ARHGEF28: variants seen among roughly 807,000 people sequenced by gnomAD.
ARHGEF28 encodes 190 kDa guanine nucleotide exchange factor.
A neutral mutation model predicts 206.6 loss-of-function variants in ARHGEF28; 152 were observed. The ratio of observed to expected loss-of-function variants is 0.74; its 90% confidence interval spans 0.64 to 0.84. The LOEUF (loss-of-function observed/expected upper bound fraction) is 0.84, where lower values mean the gene tolerates loss of function less well. Ranked by LOEUF, ARHGEF28 falls within the 40% of genes least tolerant of loss-of-function variation. ARHGEF28 has a pLI of 0.00. For synonymous variants in ARHGEF28, 763 were observed against 776.4 expected, an observed-to-expected ratio of 0.98 and a Z score of 0.29; for missense variants, 2,028 against 2,073.2, an observed-to-expected ratio of 0.98 and a Z score of 0.42.
At chr5:73,727,755 T>C (rs749567300) in intron 2 of ARHGEF28, among the ~76,000 whole-genome samples, 53 of 152,344 alleles carry the variant, frequency 3.5e-4, no homozygotes, top group Middle Eastern at 3.4e-3. Flanking sequence ...AAAGCCTTTC[T>C]TCTCATAGTG....
At chr5:73,828,761 T>G (rs913734223) in intron 9 of ARHGEF28, among the ~76,000 whole-genome samples, 2 of 151,860 alleles carry the variant, frequency 1.3e-5, no homozygotes, top group Admixed American at 6.6e-5. Context: ...TTCCTCTCTT[T>G]CTGTCCTTCC....
At position 73,857,758 on chromosome 5, in the gene ARHGEF28, T is replaced by C; in HGVS notation, c.1893T>C (p.Thr631=). 1 of 1,613,014 alleles carries C rather than the reference T, an allele frequency of 6.2e-7. No homozygotes were observed. Among genetic ancestry groups the C allele is most frequent in the South Asian group, 1.1e-5 (1 of 90,902 alleles). The change falls in exon 15 of 36, where the codon ACT becomes ACC. Residue 631 remains threonine, a synonymous_variant. Coordinates refer to ENST00000513042, the MANE Select transcript of ARHGEF28 (RefSeq NM_001177693.2). ...RTFSFLMNRM[T]SPRNKSKTKS... is the part of the protein sequence containing the mutation. The stretch of plus-strand genomic sequence containing the variant: ...TCAGTTTCCTCATGAATAGGATGAC[T>C]AGCCCTCGGAATAAATCAAAGGTAA...
intron 1 of ARHGEF28, among the ~76,000 whole-genome samples, chr5:73,629,708 T>C (rs1031705793): frequency 6.6e-6 from 1 of 152,200 alleles, no homozygotes; most frequent in African/African-American, 2.4e-5. Flanking sequence ...AGATCTGACA[T>C]CATTTTTTAA....
At chr5:73,931,372 C>G (rs1764105645) in intron 35 of ARHGEF28, among the ~76,000 whole-genome samples, 1 of 152,074 alleles carries the variant, frequency 6.6e-6, no homozygotes, top group African/African-American at 2.4e-5. Flanking sequence ...GACTCTTTCA[C>G]TTTAGAGGTA....
Position 73,775,201 on chromosome 5 carries a change from C to A in ARHGEF28, c.659+1163C>A, listed in dbSNP as rs573912995. Among the ~76,000 whole-genome samples, 19 of 152,322 alleles carry A rather than the reference C, an allele frequency of 1.2e-4. No homozygotes were observed. In the South Asian group the frequency reaches 3.7e-3, roughly 30 times the overall value. ...GTTCTACTGAGGTCCTAGAGGCACA[C>A]TTCATCTGTTGGTAGCTTTGTATCT... On this transcript the variant is annotated intron_variant, in intron 5 of 35. Transcript: ENST00000513042.
chr5:73,778,813 A>G (rs1393259642), intron 6 of ARHGEF28, among the ~76,000 whole-genome samples: 5 of 152,240 alleles, frequency 3.3e-5, no homozygotes, highest in Non-Finnish European at 5.9e-5. Flanking sequence ...GATAAATATT[A>G]TGAGATTACA....
At chr5:73,837,882 C>T (rs1757756970) in intron 10 of ARHGEF28, among the ~76,000 whole-genome samples, 1 of 151,920 alleles carries the variant, frequency 6.6e-6, no homozygotes, top group African/African-American at 2.4e-5. Flanking sequence ...GCTGGGATTA[C>T]AGGTGTGCAC....
intron 35 of ARHGEF28, among the ~76,000 whole-genome samples, chr5:73,935,730 A>C (rs1561209007): frequency 6.6e-6 from 1 of 152,184 alleles, no homozygotes; most frequent in Non-Finnish European, 1.5e-5. Context: ...TTATTCTAGG[A>C]AAGTGTGAAT....
Position 73,892,325 on chromosome 5 carries a change from G to A in ARHGEF28, c.3566+95G>A, listed in dbSNP as rs1427114740. 5.7e-6 allele frequency: 8 copies of A among 1,415,202 alleles called. No individual in the cohort carries two copies. The African/African-American group carries it at 1.1e-4, about 20-fold the overall frequency. 87.7% of individuals were successfully genotyped at this position (1,415,202 alleles called of 1,614,324 possible). A position where few individuals can be genotyped will look rare whatever the true frequency, so the allele number is the denominator to read the frequency against. On this transcript the variant is annotated intron_variant, in intron 27 of 35. Coordinates refer to ENST00000513042, the MANE Select transcript of ARHGEF28 (RefSeq NM_001177693.2). ...CTTCCTGCATGAAAACTTTGCCTCT[G>A]CCAGAATGGTCTGCCCCCTGCCCCC...
Position 73,868,085 on chromosome 5 carries a change from C to T in ARHGEF28, c.2298-15C>T, listed in dbSNP as rs1008102692. 1.9e-6 allele frequency: 3 copies of T among 1,612,574 alleles called. No homozygotes were observed. In the Admixed American group the frequency reaches 5.0e-5, roughly 27 times the overall value. On this transcript the variant is annotated splice_polypyrimidine_tract_variant and intron_variant, in intron 19 of 35. Coordinates refer to ENST00000513042, the MANE Select transcript of ARHGEF28 (RefSeq NM_001177693.2). Reference sequence around the variant, plus strand: ...AGCTTCTGGGGCTAACTTTGCTCCCCTCCCTCTCTCCTAGCTTCAGGAGGT... The same window carrying T: ...AGCTTCTGGGGCTAACTTTGCTCCCTTCCCTCTCTCCTAGCTTCAGGAGGT...
rs549219387 is a variant in ARHGEF28, at chr5:73,862,673, C to T, written c.2048-2144C>T. Among the ~76,000 whole-genome samples the T allele has an allele frequency of 5.1e-4, 78 of 152,150 alleles. 1 individual carries two copies. The highest frequency in any genetic ancestry group is 1.7e-3 in the African/African-American group (71 of 41,520). ...TATTTCCCTTATGTTTACTCTCCCC[C>T]GGCCCAGCCTCTGTTAATACACTGA... On this transcript the variant is annotated intron_variant, in intron 16 of 35. Transcript: ENST00000513042.
rs188471491 is a variant in ARHGEF28, at chr5:73,918,364, G to T, written c.4948+6789G>T. 1.3e-3 allele frequency among the ~76,000 whole-genome samples: 200 copies of T among 151,836 alleles called. 1 individual carries two copies. The highest frequency in any genetic ancestry group is 4.7e-3 in the African/African-American group (197 of 41,516). Reference sequence around the variant, plus strand: ...TGGCTGTAGTTTGCCTACCCCAGAGGCTGGTTTCCAAACTTTCTTTTCCTC... The same window carrying T: ...TGGCTGTAGTTTGCCTACCCCAGAGTCTGGTTTCCAAACTTTCTTTTCCTC... On this transcript the variant is annotated intron_variant, in intron 35 of 35. Coordinates refer to ENST00000513042, the MANE Select transcript of ARHGEF28 (RefSeq NM_001177693.2).
At chr5:73,782,237 G>A (rs1200079092) in intron 7 of ARHGEF28, among the ~76,000 whole-genome samples, 1 of 151,782 alleles carries the variant, frequency 6.6e-6, no homozygotes, top group Non-Finnish European at 1.5e-5. Flanking sequence ...TCGGGGGTTC[G>A]AGACCAGCCT....
intron 4 of ARHGEF28, among the ~76,000 whole-genome samples, chr5:73,759,149 G>C (rs942987157): frequency 0.043 from 7 of 164 alleles, no homozygotes; most frequent in African/African-American, 0.15. Flanking sequence ...ACCCACTGAG[G>C]GTGGCTTAAG....
At chr5:73,840,897 T>C in intron 11 of ARHGEF28, 137 bp downstream of exon 11, 1 of 947,520 alleles carries the variant, frequency 1.1e-6, no homozygotes, top group Non-Finnish European at 1.5e-6. Context: ...TTTAGGTTCC[T>C]ATATTCACTG....
Position 73,852,495 on chromosome 5 carries a change from C to T in ARHGEF28, c.1748-155C>T, listed in dbSNP as rs9637821. ...GAAAGTGATTTAAAAAAATCCAGAG[C>T]AATGCCTTACTTATATAAGGTAACT... On this transcript the variant is annotated intron_variant, in intron 13 of 35. Transcript: ENST00000513042. Among the ~76,000 whole-genome samples, 20,591 of 152,076 alleles carry T rather than the reference C, an allele frequency of 0.14. 1,985 individuals are homozygous for T. The highest frequency in any genetic ancestry group is 0.26 in the African/African-American group (10,637 of 41,454).
rs781550938 is a variant in ARHGEF28, at chr5:73,773,967, C to T, written c.588C>T (p.Asn196=). ...PGGVQALALP[N]EEGATPLDLA... is the part of the protein sequence containing the mutation. ...GAGTCCAGGCCTTGGCTTTACCCAA[C>T]GAAGAGGGTGCCACACCATTAGACT... The change falls in exon 5 of 36, where the codon AAC becomes AAT. Residue 196 remains asparagine (N), a synonymous_variant. Coordinates refer to ENST00000513042, the MANE Select transcript of ARHGEF28 (RefSeq NM_001177693.2). 1.5e-5 allele frequency: 24 copies of T among 1,607,022 alleles called. No homozygotes were observed. Among genetic ancestry groups the T allele is most frequent in the Middle Eastern group, 1.7e-4 (1 of 6,042 alleles).
chr5:73,819,951 G>A (rs1021301504), intron 9 of ARHGEF28, among the ~76,000 whole-genome samples: 9 of 152,130 alleles, frequency 5.9e-5, no homozygotes, highest in African/African-American at 1.4e-4. Flanking sequence ...CCTTGCGTAC[G>A]TTTTTAGGAA....
chr5:73,671,717 TATATATATATATATATATATA>T (rs1313777148), intron 1 of ARHGEF28, among the ~76,000 whole-genome samples: 194 of 12,644 alleles, frequency 0.015, 4 homozygotes, highest in African/African-American at 0.044. Flanking sequence ...TATATATATA[TATATATATATATATATATATA>T]TTTTTTTTTT....
Sources: gnomAD v4.1 joint callset for allele counts (sites outside exome capture counted in the v4.1 genomes callset) on GRCh38, gnomAD v4.1.1 for gene constraint, MANE v1.5 for transcripts, NCBI Gene and HGNC (gene_info 2026-07-23, HGNC 2026-07-21) for gene names.